The following GAS7 variants were observed in gnomAD, a reference collection of about 807,000 sequenced individuals.
GAS7 encodes the protein growth arrest-specific protein 7.
In GAS7, 28 loss-of-function variants were observed where a neutral mutation model predicts 71.1. The ratio of observed to expected loss-of-function variants is 0.39; its 90% CI spans 0.29 to 0.54. The LOEUF is 0.54. Ranked by LOEUF, GAS7 falls within the 20% of genes least tolerant of loss-of-function variation. The pLI is 0.62. For synonymous variants in GAS7, 258 were observed against 245.8 expected (o/e 1.05, Z -0.46); for missense variants, 436 against 627.8 (o/e 0.69, Z 3.27).
rs181731500 is a variant in GAS7, at chr17:10,138,312, G to T, written c.183+59896C>A. Among the ~76,000 whole-genome samples the T allele has an allele frequency of 3.0e-3, 451 of 152,266 alleles. 4 individuals carry two copies. The highest frequency in any genetic ancestry group is 0.01 in the African/African-American group (433 of 41,566). On this transcript the variant is annotated intron_variant, in intron 1 of 13. Coordinates refer to ENST00000432992, the MANE Select transcript of GAS7 (RefSeq NM_201433.2). Reference sequence around the variant, plus strand: ...GGCACTTAAATAAATGTAAAGGAAGGACTTCTTAACTCATGATTATCCTTC... The same window carrying T: ...GGCACTTAAATAAATGTAAAGGAAGTACTTCTTAACTCATGATTATCCTTC...
At chr17:10,092,750 T>C (rs955529992) in intron 1 of GAS7, among the ~76,000 whole-genome samples, 1 of 152,122 alleles carries the variant, frequency 6.6e-6, no homozygotes, top group Non-Finnish European at 1.5e-5. Context: ...TAGGGGAAAA[T>C]TGTTCCTTGT....
intron 5 of GAS7, among the ~76,000 whole-genome samples, chr17:9,947,325 G>T (rs952107426): frequency 1.2e-4 from 19 of 152,150 alleles, no homozygotes; most frequent in Admixed American, 3.3e-4. Flanking sequence ...TCACGACAGC[G>T]CTATTTATGG....
At chr17:10,115,918 C>T (rs1308629393) in intron 1 of GAS7, among the ~76,000 whole-genome samples, 2 of 152,180 alleles carry the variant, frequency 1.3e-5, no homozygotes, top group Middle Eastern at 3.2e-3. Context: ...GGAGCTCTCC[C>T]AAACAGATCA....
intron 2 of GAS7, among the ~76,000 whole-genome samples, chr17:10,006,657 T>TAGAAACA (rs143600898): frequency 0.25 from 37,518 of 151,882 alleles, 7,269 homozygotes; most frequent in African/African-American, 0.55. Context: ...TAGCCTCAGC[T>TAGAAACA]AAGTTGAAAG....
intron 1 of GAS7, among the ~76,000 whole-genome samples, chr17:10,025,051 C>T (rs893823395): frequency 5.9e-5 from 9 of 152,144 alleles, no homozygotes; most frequent in Admixed American, 5.9e-4. Context: ...ATCTGAGACG[C>T]AGAGAGTTTA....
chr17:9,994,753 T>C (rs901851515), intron 2 of GAS7, among the ~76,000 whole-genome samples: 2 of 151,134 alleles, frequency 1.3e-5, no homozygotes, highest in Admixed American at 1.3e-4. Context: ...ACCTACAAAA[T>C]GGGAGAAAAT....
chr17:10,122,202 T>C, intron 1 of GAS7, among the ~76,000 whole-genome samples: 1 of 152,150 alleles, frequency 6.6e-6, no homozygotes, highest in East Asian at 1.9e-4. Context: ...ACCCAGGAGA[T>C]GATGCTTCTG....
intron 1 of GAS7, among the ~76,000 whole-genome samples, chr17:10,089,693 CCAT>C (rs2073560106): frequency 6.9e-6 from 1 of 144,462 alleles, no homozygotes; most frequent in African/African-American, 2.6e-5. Context: ...AATAAGAGAA[CCAT>C]CACACTTGGG....
Position 9,969,579 on chromosome 17 carries a change from G to T in GAS7, c.471+98C>A. 1.3e-6 allele frequency: 1 copy of T among 753,130 alleles called. No individual in the cohort carries two copies. The highest frequency in any genetic ancestry group is 2.4e-6 in the Non-Finnish European group (1 of 420,564). The allele number at this position is 753,130 out of a possible 1,614,324, so 46.7% of individuals were successfully genotyped here. ...ACTTTCTACCTGGGGGCAGAACTGG[G>T]CTGCAGCCACCTGGACTCCCATGAT... On this transcript the variant is annotated intron_variant, in intron 4 of 13. Transcript: ENST00000432992. This position sits in a 1 kb window ranked among gnomAD's most constrained non-coding sequence, Gnocchi z 5.5.
At chr17:10,176,453 T>A (rs2142137338) in intron 1 of GAS7, among the ~76,000 whole-genome samples, 1 of 152,328 alleles carries the variant, frequency 6.6e-6, no homozygotes, top group African/African-American at 2.4e-5. Context: ...ACCATCACCT[T>A]CAAAATCCTT....
intron 1 of GAS7, among the ~76,000 whole-genome samples, chr17:10,098,885 G>A (rs181740258): frequency 6.6e-6 from 1 of 152,336 alleles, no homozygotes; most frequent in East Asian, 1.9e-4. Context: ...GAACCCGGTA[G>A]GCGGAGCTTG....
At chr17:9,980,411 C>T (rs2070369261) in intron 3 of GAS7, among the ~76,000 whole-genome samples, 1 of 152,188 alleles carries the variant, frequency 6.6e-6, no homozygotes, top group Non-Finnish European at 1.5e-5. Context: ...TCCTGTGGTT[C>T]CCTGTGCTGC....
rs747977440 is a variant in GAS7 at position 9,955,369 on chromosome 17, C to G, written c.525+3833G>C. Among the ~76,000 whole-genome samples the G allele has an allele frequency of 1.3e-5, 2 of 152,262 alleles. 1 individual carries two copies. The highest frequency in any genetic ancestry group is 6.3e-3 in the Middle Eastern group (2 of 316). ...GGCCTCCCAGGCATAGCAGGAGCTTCACTGCCATCCTAAAGATCCACTTTC... is the reference window on the plus strand; with the variant it reads ...GGCCTCCCAGGCATAGCAGGAGCTTGACTGCCATCCTAAAGATCCACTTTC... On this transcript the variant is annotated intron_variant, in intron 5 of 13. Coordinates refer to ENST00000432992, the MANE Select transcript of GAS7 (RefSeq NM_201433.2).
intron 1 of GAS7, among the ~76,000 whole-genome samples, chr17:10,141,912 G>C (rs1313126710): frequency 6.6e-6 from 1 of 152,172 alleles, no homozygotes; most frequent in African/African-American, 2.4e-5. Context: ...TGCCTAAAAA[G>C]TTGAGGATGG....
chr17:10,017,785 A>G (rs982331883), intron 2 of GAS7, among the ~76,000 whole-genome samples: 2 of 152,200 alleles, frequency 1.3e-5, no homozygotes, highest in African/African-American at 4.8e-5. Context: ...GCTGGGATGG[A>G]GACCATGTGA....
chr17:9,962,611 A>T (rs767433137), intron 4 of GAS7, among the ~76,000 whole-genome samples: 2 of 152,236 alleles, frequency 1.3e-5, no homozygotes, highest in Non-Finnish European at 2.9e-5. Flanking sequence ...TGCCAATAAA[A>T]AATGTACAAG....
chr17:9,959,153 T>G lies in GAS7; in HGVS notation c.525+49A>C, dbSNP rs748162081. 8 of 1,596,640 alleles carry G rather than the reference T, an allele frequency of 5.0e-6. No homozygotes were observed. In the African/African-American group the frequency reaches 1.1e-4, roughly 21 times the overall value. On this transcript the variant is annotated intron_variant, in intron 5 of 13. Coordinates refer to ENST00000432992, the MANE Select transcript of GAS7 (RefSeq NM_201433.2). This position sits in a 1 kb window ranked among gnomAD's most constrained non-coding sequence, Gnocchi z 5.0. Reference sequence around the variant, plus strand: ...TCGCCATGGCAACAGCCCAGCCAAATGCCCCAGCTCGCAGCCCACCCTGAG... The same window carrying G: ...TCGCCATGGCAACAGCCCAGCCAAAGGCCCCAGCTCGCAGCCCACCCTGAG...
intron 1 of GAS7, among the ~76,000 whole-genome samples, chr17:10,033,064 T>C (rs937458121): frequency 6.6e-6 from 1 of 152,008 alleles, no homozygotes; most frequent in African/African-American, 2.4e-5. Flanking sequence ...AAGGAAGGAG[T>C]TGAGCTAGTA....
intron 1 of GAS7, among the ~76,000 whole-genome samples, chr17:10,050,674 C>A (rs1214146729): frequency 6.6e-6 from 1 of 152,190 alleles, no homozygotes; most frequent in Non-Finnish European, 1.5e-5. Context: ...TACTTCCCGT[C>A]TGTTAGCAGC....
Sources: allele counts gnomAD v4.1 joint callset (sites outside exome capture counted in the v4.1 genomes callset), GRCh38; gene constraint gnomAD v4.1.1; non-coding constraint Gnocchi (gnomAD v3.1); transcripts MANE v1.5; gene names NCBI Gene and HGNC (gene_info 2026-07-23, HGNC 2026-07-21).